The following PHF3 variants were observed in gnomAD, a reference collection of about 807,000 sequenced individuals.
PHF3 encodes the protein PHD finger protein 3.
In PHF3, 41 loss-of-function variants were observed where a neutral mutation model predicts 178.4. The ratio of observed to expected loss-of-function variants is 0.23; its 90% CI spans 0.18 to 0.30. The LOEUF (loss-of-function observed/expected upper bound fraction) is 0.30. Ranked by LOEUF, PHF3 falls within the 10% of genes least tolerant of loss-of-function variation. The pLI is 1.00. For synonymous variants in PHF3, 842 were observed against 800.5 expected (o/e 1.05, Z -0.88); for missense variants, 2,346 against 2,398.1 (o/e 0.98, Z 0.45).
intron 11 of PHF3, among the ~76,000 whole-genome samples, chr6:63,705,524 A>G (rs1767652912): frequency 6.6e-6 from 1 of 152,198 alleles, no homozygotes; most frequent in Non-Finnish European, 1.5e-5. Context: ...GCTCCTTATG[A>G]GAATCTAACT....
chr6:63,685,694 G>A lies in PHF3; in HGVS notation c.1972G>A (p.Glu658Lys). ...EHPGVEHFKEEDKLKLKKPEK... is the reference protein window; with the variant it reads ...EHPGVEHFKEKDKLKLKKPEK... ...CCCAGGCGTTGAGCATTTTAAGGAA[G>A]AGGATAAACTGAAACTGAAAAAACC... Residue 658 changes from glutamate to lysine, a missense_variant, in exon 4 of 16, where the codon GAG (glutamate) becomes AAG (lysine). By Grantham distance (56) the Glu-to-Lys change is moderately conservative. Transcript: ENST00000262043. 1 of 1,613,984 alleles carries A rather than the reference G, an allele frequency of 6.2e-7. No individual in the cohort carries two copies. The highest frequency in any genetic ancestry group is 1.7e-5 in the Admixed American group (1 of 59,994).
In PHF3 at chr6:63,706,763, A is replaced by G. The variant is rs778781808; in HGVS notation, c.3598A>G (p.Thr1200Ala). The G allele has an allele frequency of 2.5e-6, 4 of 1,613,882 alleles. No homozygotes were observed. The Admixed American group carries it at 5.0e-5, about 20-fold the overall frequency. The change falls in exon 13 of 16, where the codon ACC becomes GCC. Residue 1200 changes from threonine to alanine, a missense_variant. By Grantham distance (58) the Thr-to-Ala change is moderately conservative (BLOSUM62 0). This residue lies in a region of PHF3 where 205 missense variants were observed against 212.4 expected (regional missense o/e 0.97). Coordinates refer to ENST00000262043, the MANE Select transcript of PHF3 (RefSeq NM_001370348.2). ...GCCTGGAACTGTTGAAGTTGAGTCT[A>G]CCTTTCTGGCTCGATTGAACTTCAT... is the stretch of plus-strand genomic sequence containing the variant. ...EMPGTVEVES[T>A]FLARLNFIWK... is the part of the protein sequence containing the mutation.
At chr6:63,652,279 C>T (rs1387223451) in intron 2 of PHF3, among the ~76,000 whole-genome samples, 1 of 152,088 alleles carries the variant, frequency 6.6e-6, no homozygotes, top group Non-Finnish European at 1.5e-5. Flanking sequence ...ATTGGCATTT[C>T]CCAGATGATT....
intron 9 of PHF3, 93 bp downstream of exon 9, chr6:63,700,559 T>C (rs1466236597): frequency 1.5e-6 from 1 of 663,858 alleles, no homozygotes; most frequent in African/African-American, 1.8e-5. Flanking sequence ...CAACACAGAC[T>C]GCATAATAAC....
At position 63,711,193 on chromosome 6, in the gene PHF3, A is replaced by G. The variant is rs749406513; in HGVS notation, c.3828A>G (p.Pro1276=). 3.7e-6 allele frequency: 6 copies of G among 1,607,034 alleles called. No individual in the cohort carries two copies. In the Middle Eastern group the frequency reaches 5.0e-4, roughly 133 times the overall value. ...TKEICVVRFT[P]VTEEDQISYT... ...AAATTTGTGTGGTTCGCTTCACACC[A>G]GTAACTGAAGAAGATCAAATTTCTT... Residue 1276 remains proline (P), a synonymous_variant, in exon 15 of 16, where the codon CCA becomes CCG. Transcript: ENST00000262043.
chr6:63,654,941 T>C (rs1166503867), intron 2 of PHF3, among the ~76,000 whole-genome samples: 3 of 143,666 alleles, frequency 2.1e-5, no homozygotes, highest in African/African-American at 7.8e-5. Flanking sequence ...TTGCCCAGGC[T>C]GGAGTGCAGT....
intron 2 of PHF3, among the ~76,000 whole-genome samples, chr6:63,673,448 C>T (rs975977329): frequency 1.2e-4 from 18 of 151,948 alleles, no homozygotes; most frequent in Admixed American, 4.6e-4. Flanking sequence ...AAAAAATCAC[C>T]GTTTCTTCTC....
intron 2 of PHF3, among the ~76,000 whole-genome samples, chr6:63,679,287 TTGAC>T (rs990947491): frequency 1.3e-5 from 2 of 152,112 alleles, no homozygotes; most frequent in African/African-American, 4.8e-5. Flanking sequence ...TACTATTTCT[TTGAC>T]TGTTCCTGAG....
chr6:63,643,076 A>G (rs775291271), intron 1 of PHF3, among the ~76,000 whole-genome samples: 79 of 152,248 alleles, frequency 5.2e-4, no homozygotes, highest in Non-Finnish European at 9.3e-4. Flanking sequence ...TGTATTACCA[A>G]TGATAATGGT....
rs1310363416 is a variant in PHF3, at chr6:63,722,940, T to C, written c.*9232T>C. The stretch of plus-strand genomic sequence containing the variant: ...ATACTATGTCGTTACATATGTGATA[T>C]TTGGTTAACAGCTGCTTTATCCACT... On this transcript the variant is annotated 3_prime_UTR_variant, in exon 16 of 16. Transcript: ENST00000262043. 6.6e-6 allele frequency among the ~76,000 whole-genome samples: 1 copy of C among 152,236 alleles called. No homozygotes were observed. The highest frequency in any genetic ancestry group is 1.5e-5 in the Non-Finnish European group (1 of 68,036).
intron 4 of PHF3, among the ~76,000 whole-genome samples, chr6:63,688,102 C>T (rs1389092546): frequency 1.3e-4 from 19 of 148,382 alleles, no homozygotes; most frequent in African/African-American, 2.2e-4. Context: ...GGGAATGGCG[C>T]GTGAACCCGG....
intron 4 of PHF3, among the ~76,000 whole-genome samples, chr6:63,689,121 C>T (rs900135872): frequency 6.6e-6 from 1 of 152,150 alleles, no homozygotes; most frequent in African/African-American, 2.4e-5. Context: ...CTTTTATTTT[C>T]CTGATTCAAA....
At chr6:63,647,703 A>G (rs1222793888) in intron 2 of PHF3, among the ~76,000 whole-genome samples, 1 of 152,210 alleles carries the variant, frequency 6.6e-6, no homozygotes, top group East Asian at 1.9e-4. Context: ...ATAAGAAATT[A>G]CTTTGTCATG....
chr6:63,720,957 C>T lies in PHF3; in HGVS notation c.*7249C>T. On this transcript the variant is annotated 3_prime_UTR_variant, in exon 16 of 16. Transcript: ENST00000262043. ...GCTCATAGGCACAGAGATTCTTTCT[C>T]CCAAGTTAACTGCTATTTTCAAGGT... 1 of 1,551,278 alleles carries T rather than the reference C, an allele frequency of 6.4e-7. No individual in the cohort carries two copies. The highest frequency in any genetic ancestry group is 1.2e-5 in the South Asian group (1 of 84,056).
chr6:63,649,599 CA>C (rs1764938322), intron 2 of PHF3, among the ~76,000 whole-genome samples: 1 of 152,158 alleles, frequency 6.6e-6, no homozygotes, highest in African/African-American at 2.4e-5. Context: ...TCAGCTGTCT[CA>C]AAAAATCATA....
At chr6:63,637,702 A>G (rs1308672566) in intron 1 of PHF3, among the ~76,000 whole-genome samples, 2 of 152,190 alleles carry the variant, frequency 1.3e-5, no homozygotes, top group Non-Finnish European at 2.9e-5. Flanking sequence ...TGGTGATAGT[A>G]GCAGAGTTTA....
At position 63,721,080 on chromosome 6, in the gene PHF3, A is replaced by G. The variant is rs1490282783; in HGVS notation, c.*7372A>G. On this transcript the variant is annotated 3_prime_UTR_variant, in exon 16 of 16. Transcript: ENST00000262043. ...TTCTGTTTTAGTGGTACTGAAATTT[A>G]AGGATATAGTAGTGAACTGGAGGTT... 1.9e-6 allele frequency: 3 copies of G among 1,551,306 alleles called. No homozygotes were observed. Among genetic ancestry groups the G allele is most frequent in the Non-Finnish European group, 2.6e-6 (3 of 1,146,730 alleles).
chr6:63,646,249 G>GT (rs963543990), intron 1 of PHF3, among the ~76,000 whole-genome samples: 10 of 151,118 alleles, frequency 6.6e-5, no homozygotes, highest in Non-Finnish European at 8.9e-5. Flanking sequence ...TATATACATA[G>GT]TTTTTTTTTC....
At chr6:63,658,004 T>A (rs2149552255) in intron 2 of PHF3, among the ~76,000 whole-genome samples, 1 of 152,320 alleles carries the variant, frequency 6.6e-6, no homozygotes, top group Non-Finnish European at 1.5e-5. Flanking sequence ...TCATTCAATT[T>A]AAGTTCAGGG....
Sources: allele counts gnomAD v4.1 joint callset (sites outside exome capture counted in the v4.1 genomes callset), GRCh38; gene constraint gnomAD v4.1.1; regional missense constraint gnomAD v4.1.1; transcripts MANE v1.5; gene names NCBI Gene and HGNC (gene_info 2026-07-23, HGNC 2026-07-21).